The following SYNJ1 variants were observed in gnomAD, a reference collection of about 807,000 sequenced individuals.
SYNJ1 encodes polyphosphatidylinositol phosphatase SYNJ1.
In SYNJ1, 78 loss-of-function variants were observed where a neutral mutation model predicts 168.2. The ratio of observed to expected loss-of-function variants is 0.46; its 90% CI spans 0.39 to 0.56. The LOEUF (loss-of-function observed/expected upper bound fraction) is 0.56, where lower values mean the gene tolerates loss of function less well. SYNJ1 is among the 20% of genes least tolerant of loss of function. The probability of loss-of-function intolerance (pLI) is 0.00; values close to 1 mark genes in which losing one functional copy is unlikely to be tolerated. For missense variants in SYNJ1, 1,303 were observed against 1,597.6 expected, an observed-to-expected ratio of 0.82 and a Z score of 3.14; for synonymous variants, 539 against 548.6, an observed-to-expected ratio of 0.98 and a Z score of 0.24.
intron 23 of SYNJ1, among the ~76,000 whole-genome samples, chr21:32,649,820 G>GC (rs2040208986): frequency 6.6e-6 from 1 of 152,170 alleles, no homozygotes; most frequent in African/African-American, 2.4e-5. Context: ...CACAATCTCG[G>GC]CTCACTGCAA....
chr21:32,700,815 A>G (rs761616186), intron 3 of SYNJ1, among the ~76,000 whole-genome samples: 21 of 152,266 alleles, frequency 1.4e-4, no homozygotes, highest in Non-Finnish European at 2.8e-4. Flanking sequence ...GTAAAGTTGA[A>G]AAAATGGTAT....
rs1401672615 is a variant in SYNJ1 at position 32,639,860 on chromosome 21, C to A, written c.3589-81G>T. ...TCTGTGAAAACATTTGCTTTTGCAT[C>A]TCATTTACTTTCTTCTATGGTATTA... On this transcript the variant is annotated intron_variant, in intron 29 of 32. Transcript: ENST00000674351. 4.2e-6 allele frequency: 5 copies of A among 1,195,762 alleles called. No individual in the cohort carries two copies. The African/African-American group carries it at 6.0e-5, about 14-fold the overall frequency. 74.1% of individuals were successfully genotyped at this position (1,195,762 alleles called of 1,614,324 possible).
At chr21:32,632,448 C>T (rs1483871585) in intron 32 of SYNJ1, among the ~76,000 whole-genome samples, 1 of 151,324 alleles carries the variant, frequency 6.6e-6, no homozygotes, top group Admixed American at 6.6e-5. Context: ...TGCAATGGCA[C>T]GATTTTGGCT....
intron 19 of SYNJ1, among the ~76,000 whole-genome samples, chr21:32,657,321 G>C (rs2040498538): frequency 6.6e-6 from 1 of 152,202 alleles, no homozygotes; most frequent in African/African-American, 2.4e-5. Flanking sequence ...GCTTTATTTA[G>C]TAAAAATTAA....
chr21:32,645,068 G>T, intron 25 of SYNJ1, 62 bp from the exon 26 acceptor site: 1 of 1,511,964 alleles, frequency 6.6e-7, no homozygotes, highest in Non-Finnish European at 9.0e-7. Context: ...GAAGTGAAAT[G>T]TCAAAGATTG....
chr21:32,661,724 T>A (rs1290822242), intron 18 of SYNJ1, among the ~76,000 whole-genome samples: 1 of 152,152 alleles, frequency 6.6e-6, no homozygotes, highest in African/African-American at 2.4e-5. Flanking sequence ...ATACAGGCCC[T>A]TCCTATGGTA....
rs956774191 is a variant in SYNJ1 at position 32,726,687 on chromosome 21, G to C, written c.124+85C>G. 25 of 1,514,322 alleles carry C rather than the reference G, an allele frequency of 1.7e-5. No individual in the cohort carries two copies. The African/African-American group carries it at 3.3e-4, about 20-fold the overall frequency. 93.8% of individuals were successfully genotyped at this position (1,514,322 alleles called of 1,614,324 possible). On this transcript the variant is annotated intron_variant, in intron 2 of 32. Transcript: ENST00000674351. ...GGAAATACAGTGAAAGGGTTGTCGG[G>C]CTCTTTTCTAAAAAATGGTTGCATC...
At position 32,648,251 on chromosome 21, in the gene SYNJ1, C is replaced by T. The variant is rs182333882; in HGVS notation, c.3038-1649G>A. Among the ~76,000 whole-genome samples the T allele has an allele frequency of 4.7e-4, 72 of 152,320 alleles. 1 individual carries two copies. The South Asian group carries it at 7.5e-3, about 16-fold the overall frequency. ...AAACCACCACCCTAGGACCTCCAATCTTCCTAGAGCAATTGCCCTCTTCTC... is the reference window on the plus strand; with the variant it reads ...AAACCACCACCCTAGGACCTCCAATTTTCCTAGAGCAATTGCCCTCTTCTC... On this transcript the variant is annotated intron_variant, in intron 23 of 32. Coordinates refer to ENST00000674351, the MANE Select transcript of SYNJ1 (RefSeq NM_203446.3).
intron 32 of SYNJ1, among the ~76,000 whole-genome samples, chr21:32,632,021 T>C (rs1307808359): frequency 6.6e-6 from 1 of 152,220 alleles, no homozygotes; most frequent in East Asian, 1.9e-4. Context: ...ATTAAATCCA[T>C]TTTTAAATCC....
At chr21:32,684,913 C>G (rs1276284562) in intron 9 of SYNJ1, among the ~76,000 whole-genome samples, 1 of 152,156 alleles carries the variant, frequency 6.6e-6, no homozygotes, top group Non-Finnish European at 1.5e-5. Context: ...GGCGCGGTGG[C>G]TCACGCCTGT....
At chr21:32,681,430 T>C (rs2041618034) in intron 11 of SYNJ1, 66 bp downstream of exon 11, 2 of 1,488,604 alleles carry the variant, frequency 1.3e-6, no homozygotes, top group Non-Finnish European at 1.8e-6. Flanking sequence ...TAAAAGGCCA[T>C]TTAAAAGCTT....
chr21:32,695,489 A>C (rs969567005), intron 4 of SYNJ1, among the ~76,000 whole-genome samples: 1 of 152,148 alleles, frequency 6.6e-6, no homozygotes, highest in African/African-American at 2.4e-5. Context: ...GATCCACAGA[A>C]AAGGAGTATT....
intron 6 of SYNJ1, among the ~76,000 whole-genome samples, chr21:32,688,714 C>T (rs896718115): frequency 8.5e-5 from 13 of 152,088 alleles, no homozygotes; most frequent in African/African-American, 2.9e-4. Context: ...ATACTATTAC[C>T]ATTTGGGTAA....
chr21:32,657,957 T>C, intron 18 of SYNJ1, 85 bp from the exon 19 acceptor site: 2 of 1,064,556 alleles, frequency 1.9e-6, no homozygotes, highest in East Asian at 2.5e-5. Context: ...TAAATGTCTA[T>C]TACATGCTGG....
At chr21:32,668,177 T>C (rs2041028003) in intron 15 of SYNJ1, among the ~76,000 whole-genome samples, 1 of 152,080 alleles carries the variant, frequency 6.6e-6, no homozygotes, top group Non-Finnish European at 1.5e-5. Context: ...CGATTCTCCC[T>C]GCCTCAGCCT....
rs1601411458 is a variant in SYNJ1, at chr21:32,684,031, C to A, written c.1200+7G>T. 2 of 1,613,086 alleles carry A rather than the reference C, an allele frequency of 1.2e-6. No homozygotes were observed. The highest frequency in any genetic ancestry group is 1.7e-6 in the Non-Finnish European group (2 of 1,179,330). The stretch of plus-strand genomic sequence containing the variant: ...CAAGGCACATACATTTTAATTTATT[C>A]TTTTACCTCTAAGCCAAGAAATGCC... On this transcript the variant is annotated splice_region_variant and intron_variant, in intron 10 of 32. Transcript: ENST00000674351.
intron 32 of SYNJ1, among the ~76,000 whole-genome samples, 170 bp from the exon 33 acceptor site, chr21:32,631,971 T>C (rs2039347073): frequency 6.6e-6 from 1 of 152,246 alleles, no homozygotes; most frequent in East Asian, 1.9e-4. Flanking sequence ...ATGAAACACC[T>C]ACAGTCTTTA....
Position 32,638,961 on chromosome 21 carries a change from G to A in SYNJ1, c.3862C>T (p.Pro1288Ser). The change falls in exon 31 of 33, where the codon CCT (proline) becomes TCT (serine). Residue 1288 changes from proline (P) to serine (S), a missense_variant. Physicochemically the swap from Pro to Ser is moderately conservative, Grantham distance 74 (BLOSUM62 -1). Transcript: ENST00000674351. ...PNLETPPQPP[P>S]RSRSSHSLPS... ...AAGCTATGGGATGACCTGCTTCGAG[G>A]TGGTGGTTGTGGTGGGGTTTCCAAA... 1 of 1,614,014 alleles carries A rather than the reference G, an allele frequency of 6.2e-7. No individual in the cohort carries two copies. Among genetic ancestry groups the A allele is most frequent in the Non-Finnish European group, 8.5e-7 (1 of 1,179,896 alleles).
rs185978204 is a variant in SYNJ1 at position 32,697,527 on chromosome 21, G to A, written c.480-2245C>T. ...AAAAAAAAAAAAGGAGGCCAAGTAC[G>A]GTGGCTCATGCCTATAATCCTAGCA... On this transcript the variant is annotated intron_variant, in intron 4 of 32. Coordinates refer to ENST00000674351, the MANE Select transcript of SYNJ1 (RefSeq NM_203446.3). Among the ~76,000 whole-genome samples the A allele has an allele frequency of 1.3e-3, 200 of 151,966 alleles. 1 individual carries two copies. The highest frequency in any genetic ancestry group is 4.3e-3 in the African/African-American group (178 of 41,446).
Sources: allele counts gnomAD v4.1 joint callset (sites outside exome capture counted in the v4.1 genomes callset), GRCh38; gene constraint gnomAD v4.1.1; transcripts MANE v1.5; gene names NCBI Gene and HGNC (gene_info 2026-07-23, HGNC 2026-07-21).